The following HIP1 variants were observed in gnomAD, a reference collection of about 807,000 sequenced individuals.
HIP1 encodes huntingtin-interacting protein 1.
HIP1 carries 65 observed loss-of-function variants against 147.6 expected under a neutral mutation model. That is an observed-to-expected ratio of 0.44 (90% CI 0.36 to 0.54). The LOEUF (loss-of-function observed/expected upper bound fraction) is 0.54. Ranked by LOEUF, HIP1 falls within the 20% of genes least tolerant of loss-of-function variation. HIP1 has a pLI of 0.00. For synonymous variants in HIP1, 479 were observed against 504.0 expected, an observed-to-expected ratio of 0.95 and a Z score of 0.67; for missense variants, 1,061 against 1,299.6, an observed-to-expected ratio of 0.82 and a Z score of 2.82.
intron 16 of HIP1, 22 bp downstream of exon 16, chr7:75,557,632 G>A (rs782740165): frequency 1.2e-5 from 19 of 1,546,322 alleles, no homozygotes; most frequent in Middle Eastern, 3.4e-4. Flanking sequence ...CTCATTTCCC[G>A]AGTGCTCCTC....
intron 29 of HIP1, among the ~76,000 whole-genome samples, chr7:75,540,161 C>T (rs1258805133): frequency 1.3e-5 from 2 of 151,854 alleles, no homozygotes; most frequent in African/African-American, 4.8e-5. Flanking sequence ...GGCATGGTGG[C>T]TTATGCCCGT....
chr7:75,556,733 C>T lies in HIP1; in HGVS notation c.1660G>A (p.Gly554Ser). The change falls in exon 17 of 31, where the codon GGC becomes AGC. Residue 554 changes from glycine to serine, a missense_variant. Gly to Ser is a moderately conservative substitution (Grantham distance 56). Around this residue, in one of 3 missense-constraint regions of HIP1, gnomAD observed 810 missense variants for 946.8 expected, o/e 0.86. Coordinates refer to ENST00000336926, the MANE Select transcript of HIP1 (RefSeq NM_005338.7). Reference protein sequence around the residue: ...TSQRELQVLQGSLETSAQSEA... With the variant: ...TSQRELQVLQSSLETSAQSEA... ...ACCTGGGCAGAAGTTTCCAGGCTGC[C>T]TTGCAGAACCTGAAGCTCCCGTTGG... 3 of 1,612,606 alleles carry T rather than the reference C, an allele frequency of 1.9e-6. No homozygotes were observed. The highest frequency in any genetic ancestry group is 2.2e-5 in the East Asian group (1 of 44,852).
chr7:75,636,623 T>C (rs1436926753), intron 1 of HIP1, among the ~76,000 whole-genome samples: 1 of 152,192 alleles, frequency 6.6e-6, no homozygotes, highest in Non-Finnish European at 1.5e-5. Flanking sequence ...AAGGTTCTCC[T>C]TGCTACACAG....
chr7:75,678,340 C>CTTTTTTT (rs782045169), intron 1 of HIP1, among the ~76,000 whole-genome samples: 11 of 86,312 alleles, frequency 1.3e-4, no homozygotes, highest in Non-Finnish European at 1.6e-4. Flanking sequence ...TTCCTTTATT[C>CTTTTTTT]TTTTTTTTTT....
chr7:75,582,455 G>A (rs1780786725), intron 5 of HIP1, among the ~76,000 whole-genome samples: 1 of 152,170 alleles, frequency 6.6e-6, no homozygotes, highest in Non-Finnish European at 1.5e-5. Context: ...TGTGGCAAAG[G>A]GAAAAGGCCA....
chr7:75,718,846 C>T (rs949588857), intron 1 of HIP1, among the ~76,000 whole-genome samples: 2 of 152,154 alleles, frequency 1.3e-5, no homozygotes, highest in South Asian at 2.1e-4. Context: ...TAATTCTTTC[C>T]GTGGTTCTGC....
intron 4 of HIP1, among the ~76,000 whole-genome samples, chr7:75,587,889 A>C (rs1796342762): frequency 6.6e-6 from 1 of 152,206 alleles, no homozygotes. Context: ...ACTTGAGCCC[A>C]GGAAGTTGAG....
chr7:75,692,804 T>C (rs6965172), intron 1 of HIP1, among the ~76,000 whole-genome samples: 146,970 of 152,178 alleles, frequency 0.97, 71,025 homozygotes, highest in African/African-American at 0.99. Context: ...GGATATCCTA[T>C]CATCTCTCTT....
chr7:75,726,673 G>A (rs1362928604), intron 1 of HIP1, among the ~76,000 whole-genome samples: 1 of 150,774 alleles, frequency 6.6e-6, no homozygotes, highest in Non-Finnish European at 1.5e-5. Flanking sequence ...ATCCTGATGG[G>A]CATGTAGAGG....
At chr7:75,664,403 T>C (rs1213350032) in intron 1 of HIP1, among the ~76,000 whole-genome samples, 4 of 143,070 alleles carry the variant, frequency 2.8e-5, no homozygotes, top group Admixed American at 7.0e-5. Context: ...TATACATACA[T>C]ATATACACAT....
chr7:75,561,880 T>C (rs990889596), intron 12 of HIP1, among the ~76,000 whole-genome samples, 193 bp downstream of exon 12: 2 of 152,108 alleles, frequency 1.3e-5, no homozygotes, highest in African/African-American at 4.8e-5. Flanking sequence ...CTCCTGGCCT[T>C]AAAAAATCCT....
At chr7:75,719,806 C>A (rs115615928) in intron 1 of HIP1, among the ~76,000 whole-genome samples, 5 of 152,140 alleles carry the variant, frequency 3.3e-5, no homozygotes, top group Non-Finnish European at 7.3e-5. Flanking sequence ...CTGCCTGATA[C>A]CCATAGCAGG....
At chr7:75,591,329 G>C (rs1796494431) in intron 4 of HIP1, among the ~76,000 whole-genome samples, 1 of 152,006 alleles carries the variant, frequency 6.6e-6, no homozygotes, top group Admixed American at 6.6e-5. Flanking sequence ...CACTGCGCCT[G>C]GCCAAGAGAG....
At chr7:75,552,613 T>A (rs587764552) in intron 22 of HIP1, among the ~76,000 whole-genome samples, 1 of 152,078 alleles carries the variant, frequency 6.6e-6, no homozygotes, top group African/African-American at 2.4e-5. Flanking sequence ...TGCCTCGGCC[T>A]CCCAAAGTGC....
At chr7:75,714,319 G>A (rs1232486314) in intron 1 of HIP1, among the ~76,000 whole-genome samples, 3 of 152,248 alleles carry the variant, frequency 2.0e-5, no homozygotes, top group East Asian at 1.9e-4. Flanking sequence ...GATGACAGGC[G>A]TGAGCCGCCG....
At chr7:75,718,278 G>A (rs751309188) in intron 1 of HIP1, among the ~76,000 whole-genome samples, 4 of 152,010 alleles carry the variant, frequency 2.6e-5, no homozygotes, top group African/African-American at 7.2e-5. Flanking sequence ...GGTCGCTTGA[G>A]CCCAAGAGTT....
chr7:75,593,169 A>C (rs782411614), intron 2 of HIP1, among the ~76,000 whole-genome samples: 1 of 152,052 alleles, frequency 6.6e-6, no homozygotes, highest in South Asian at 2.1e-4. Flanking sequence ...AGATCTTGCT[A>C]TGTTGCCCAG....
rs1468503158 is a variant in HIP1 at position 75,539,380 on chromosome 7, C to T, written c.3004G>A (p.Gly1002Arg). ...NELQKERQKL[G>R]ELRKKHYELA... ...TCGTAGTGCTTTTTCCGAAGCTCTC[C>T]CAGTTTTTGACGCTCCTTCTGCAAT... Residue 1002 changes from glycine (G) to arginine (R), a missense_variant, in exon 30 of 31, where the codon GGA (glycine) becomes AGA (arginine). By Grantham distance (125) the Gly-to-Arg change is moderately radical (BLOSUM62 -2). This residue lies in a region of HIP1 where 810 missense variants were observed against 946.8 expected (regional missense o/e 0.86). Coordinates refer to ENST00000336926, the MANE Select transcript of HIP1 (RefSeq NM_005338.7). 2.5e-6 allele frequency: 4 copies of T among 1,614,088 alleles called. No individual in the cohort carries two copies. The African/African-American group carries it at 4.0e-5, about 16-fold the overall frequency.
chr7:75,609,314 C>G (rs1416123630), intron 1 of HIP1, among the ~76,000 whole-genome samples: 1 of 152,164 alleles, frequency 6.6e-6, no homozygotes, highest in African/African-American at 2.4e-5. Flanking sequence ...GGCAAGGCTT[C>G]TTGGGGGCTC....
Sources: gnomAD v4.1 joint callset for allele counts (sites outside exome capture counted in the v4.1 genomes callset) on GRCh38, gnomAD v4.1.1 for gene constraint, gnomAD v4.1.1 regional missense constraint, MANE v1.5 for transcripts, NCBI Gene and HGNC (gene_info 2026-07-23, HGNC 2026-07-21) for gene names.